GRM5: variants seen among roughly 807,000 people sequenced by gnomAD.
GRM5 encodes metabotropic glutamate receptor 5.
GRM5 carries 19 observed loss-of-function variants against 83.1 expected under a neutral mutation model. That is an observed-to-expected ratio of 0.23 (90% confidence interval 0.16 to 0.34). The LOEUF (loss-of-function observed/expected upper bound fraction) is 0.34, where lower values mean the gene tolerates loss of function less well. Among genes scored for constraint, GRM5 ranks in the 10% least tolerant of loss-of-function variants. GRM5 has a pLI of 1.00. For synonymous variants in GRM5, 675 were observed against 633.6 expected, an observed-to-expected ratio of 1.07 and a Z score of -0.98; for missense variants, 1,160 against 1,588.3, an observed-to-expected ratio of 0.73 and a Z score of 4.58.
chr11:88,768,736 A>C (rs984897359), intron 3 of GRM5, among the ~76,000 whole-genome samples: 1 of 151,940 alleles, frequency 6.6e-6, no homozygotes, highest in Non-Finnish European at 1.5e-5. Flanking sequence ...GGATGACAGA[A>C]GTTGGCATGA....
chr11:88,856,588 A>C (rs1408116495), intron 2 of GRM5, among the ~76,000 whole-genome samples: 5 of 152,122 alleles, frequency 3.3e-5, no homozygotes, highest in African/African-American at 7.2e-5. Flanking sequence ...AATGATAAAA[A>C]TATAGTATAG....
chr11:88,828,004 G>T (rs1463540491), intron 3 of GRM5, among the ~76,000 whole-genome samples: 1 of 152,134 alleles, frequency 6.6e-6, no homozygotes, highest in Non-Finnish European at 1.5e-5. Flanking sequence ...GGTAACATCT[G>T]AGTGAAGATT....
intron 3 of GRM5, among the ~76,000 whole-genome samples, chr11:88,735,540 T>C (rs1269224935): frequency 2.0e-5 from 3 of 152,000 alleles, no homozygotes; most frequent in African/African-American, 7.2e-5. Context: ...TGGAAGTAGG[T>C]TGGGGCTTCC....
intron 3 of GRM5, among the ~76,000 whole-genome samples, chr11:88,841,878 T>C (rs1196111306): frequency 6.6e-6 from 1 of 152,164 alleles, no homozygotes; most frequent in East Asian, 1.9e-4. Context: ...CATGATTTAG[T>C]GGTGAAATGC....
intron 2 of GRM5, among the ~76,000 whole-genome samples, chr11:89,044,532 G>C (rs1243305764): frequency 6.6e-6 from 1 of 152,008 alleles, no homozygotes; most frequent in Non-Finnish European, 1.5e-5. Context: ...GACACAGTAC[G>C]GTTAGGTTTA....
intron 3 of GRM5, among the ~76,000 whole-genome samples, chr11:88,845,623 C>T (rs1410426000): frequency 2.0e-5 from 3 of 151,420 alleles, no homozygotes; most frequent in African/African-American, 7.3e-5. Flanking sequence ...TTAGTAGAGA[C>T]GGGGTTTCAC....
chr11:88,741,871 T>G (rs1435887192), intron 3 of GRM5, among the ~76,000 whole-genome samples: 7 of 151,698 alleles, frequency 4.6e-5, no homozygotes, highest in Admixed American at 3.3e-4. Context: ...GTGAGGATAA[T>G]GGAGGCAGAG....
intron 2 of GRM5, among the ~76,000 whole-genome samples, chr11:88,922,490 C>T (rs992088867): frequency 6.6e-6 from 1 of 152,104 alleles, no homozygotes; most frequent in African/African-American, 2.4e-5. Context: ...AGGACAGTCT[C>T]TACAATTAAT....
At chr11:88,657,591 T>C (rs1939794884) in intron 3 of GRM5, among the ~76,000 whole-genome samples, 1 of 152,162 alleles carries the variant, frequency 6.6e-6, no homozygotes. Context: ...AAATATACTC[T>C]CTTTCTCTAC....
chr11:88,787,137 G>C (rs1300106199), intron 3 of GRM5, among the ~76,000 whole-genome samples: 1 of 47,594 alleles, frequency 2.1e-5, no homozygotes, highest in Non-Finnish European at 4.6e-5. Context: ...TATGATGTGT[G>C]TGTGTGTGTG....
At chr11:88,820,363 A>C in intron 3 of GRM5, among the ~76,000 whole-genome samples, 1 of 122,944 alleles carries the variant, frequency 8.1e-6, no homozygotes, top group Admixed American at 9.6e-5. Context: ...CAACAGAGCA[A>C]AACTCCATCT....
At chr11:88,989,024 T>C (rs1236123070) in intron 2 of GRM5, among the ~76,000 whole-genome samples, 1 of 151,050 alleles carries the variant, frequency 6.6e-6, no homozygotes, top group African/African-American at 2.4e-5. Flanking sequence ...TAACTTTAAA[T>C]GTAAATGGAC....
chr11:88,591,985 A>T (rs967067491), intron 6 of GRM5, among the ~76,000 whole-genome samples: 4 of 152,210 alleles, frequency 2.6e-5, no homozygotes. Flanking sequence ...AAACTAAGGT[A>T]AAGTTAGCTC....
At chr11:88,610,813 G>T (rs549437789) in intron 4 of GRM5, among the ~76,000 whole-genome samples, 1 of 152,260 alleles carries the variant, frequency 6.6e-6, no homozygotes, top group East Asian at 1.9e-4. Context: ...CAGAAGGAAT[G>T]CTTCCAGCTT....
chr11:88,969,109 G>A (rs1939084237), intron 2 of GRM5, among the ~76,000 whole-genome samples: 1 of 152,054 alleles, frequency 6.6e-6, no homozygotes, highest in Non-Finnish European at 1.5e-5. Context: ...AACAACAGGT[G>A]AGGAGAAAAC....
intron 9 of GRM5, chr11:88,512,428 AAAAG>A (rs1441919709): frequency 6.5e-6 from 1 of 154,386 alleles, no homozygotes; most frequent in Admixed American, 6.5e-5. Flanking sequence ...GAAAAAAAAC[AAAAG>A]AAACTCCCTA....
At chr11:88,859,078 C>CT (rs35497824) in intron 2 of GRM5, among the ~76,000 whole-genome samples, 10 of 151,868 alleles carry the variant, frequency 6.6e-5, no homozygotes, top group African/African-American at 1.9e-4. Context: ...TTTTTACACT[C>CT]TTTTTTTTAA....
chr11:88,654,419 T>A (rs1939715420), intron 3 of GRM5, among the ~76,000 whole-genome samples: 1 of 152,042 alleles, frequency 6.6e-6, no homozygotes, highest in Non-Finnish European at 1.5e-5. Flanking sequence ...ATATACACAG[T>A]TTGTGCTGTA....
intron 2 of GRM5, among the ~76,000 whole-genome samples, chr11:88,855,140 G>T (rs1455801702): frequency 1.3e-5 from 2 of 151,656 alleles, no homozygotes; most frequent in African/African-American, 4.8e-5. Flanking sequence ...AAAGATACAA[G>T]TAATTTTGTT....
Sources: allele counts gnomAD v4.1 joint callset (sites outside exome capture counted in the v4.1 genomes callset), GRCh38; gene constraint gnomAD v4.1.1; transcripts MANE v1.5; gene names NCBI Gene and HGNC (gene_info 2026-07-23, HGNC 2026-07-21).